Variants in ITGA4 observed in about 807,000 individuals in gnomAD.
ITGA4 encodes the protein integrin subunit alpha 4, also known as integrin alpha-4.
A neutral mutation model predicts 133.6 loss-of-function variants in ITGA4; 63 were observed. That is an observed-to-expected ratio of 0.47 (90% CI 0.38 to 0.58). ITGA4 has a LOEUF of 0.58. Among genes scored for constraint, ITGA4 ranks in the 20% least tolerant of loss-of-function variants. ITGA4 has a pLI of 0.00. For missense variants in ITGA4, 1,076 were observed against 1,252.7 expected (o/e 0.86, Z 2.13); for synonymous variants, 483 against 438.0 (o/e 1.10, Z -1.28).
At chr2:181,483,074 A>G (rs1685842345) in intron 9 of ITGA4, among the ~76,000 whole-genome samples, 1 of 152,196 alleles carries the variant, frequency 6.6e-6, no homozygotes, top group Non-Finnish European at 1.5e-5. Flanking sequence ...AGTATTTTCA[A>G]TTTCTTAATT....
Position 181,534,943 on chromosome 2 carries a change from T to C in ITGA4, c.3003+8T>C. ...TCATATGTTATGTGGAAGGTAAGCA[T>C]TTAACAATTACCAACATTAGTCTAC... is the stretch of plus-strand genomic sequence containing the variant. On this transcript the variant is annotated splice_region_variant and intron_variant, in intron 27 of 27. Transcript: ENST00000397033. The C allele has an allele frequency of 6.4e-7, 1 of 1,557,458 alleles. No individual in the cohort carries two copies. Among genetic ancestry groups the C allele is most frequent in the Non-Finnish European group, 8.6e-7 (1 of 1,158,586 alleles).
Position 181,523,510 on chromosome 2 carries a change from T to A in ITGA4, c.2147T>A (p.Ile716Lys). Residue 716 changes from isoleucine to lysine, a missense_variant, in exon 19 of 28, where the codon ATA becomes AAA. Physicochemically the swap from Ile to Lys is moderately radical, Grantham distance 102 (BLOSUM62 -3). Transcript: ENST00000397033. The surrounding 1 kb of genome is among the most constrained non-coding windows in gnomAD (Gnocchi z 4.2). ...CAACTTGACTGCAGTATTGGCTATA[T>A]ATATGTAGATCATCTCTCAAGGGTA... ...VVQLDCSIGY[I>K]YVDHLSRIDI... 1 of 1,589,020 alleles carries A rather than the reference T, an allele frequency of 6.3e-7. No homozygotes were observed. Among genetic ancestry groups the A allele is most frequent in the African/African-American group, 1.3e-5 (1 of 74,478 alleles).
rs1261299912 is a variant in ITGA4 at position 181,457,569 on chromosome 2, C to T, written c.-86C>T. ...ACACGCTGCGCCTCATCTCTTGGGG[C>T]GTTCTTCCCCGTTGGCCAACCGTCG... On this transcript the variant is annotated 5_prime_UTR_variant, in exon 1 of 28. Coordinates refer to ENST00000397033, the MANE Select transcript of ITGA4 (RefSeq NM_000885.6). 2 of 1,211,260 alleles carry T rather than the reference C, an allele frequency of 1.7e-6. No homozygotes were observed. The highest frequency in any genetic ancestry group is 1.5e-5 in the African/African-American group (1 of 65,886). The allele number at this position is 1,211,260 out of a possible 1,614,324, so 75.0% of individuals were successfully genotyped here. A position where few individuals can be genotyped will look rare whatever the true frequency, so the allele number is the denominator to read the frequency against.
intron 21 of ITGA4, among the ~76,000 whole-genome samples, chr2:181,526,393 C>G (rs1369854030): frequency 6.6e-6 from 1 of 152,172 alleles, no homozygotes; most frequent in African/African-American, 2.4e-5. Flanking sequence ...CTAATATTAG[C>G]TGCCAAATGT....
chr2:181,494,656 A>C, intron 11 of ITGA4, 66 bp from the exon 12 acceptor site: 1 of 843,584 alleles, frequency 1.2e-6, no homozygotes, highest in South Asian at 1.3e-5. Context: ...TATTTAGCTA[A>C]ATCATTGCTT....
At chr2:181,472,619 A>G (rs1222720839) in intron 2 of ITGA4, among the ~76,000 whole-genome samples, 1 of 152,236 alleles carries the variant, frequency 6.6e-6, no homozygotes, top group Non-Finnish European at 1.5e-5. Context: ...TCTATTTTTG[A>G]CAGTAAACAA....
intron 4 of ITGA4, among the ~76,000 whole-genome samples, chr2:181,476,402 A>T (rs956687920): frequency 6.6e-6 from 1 of 152,206 alleles, no homozygotes; most frequent in African/African-American, 2.4e-5. Flanking sequence ...TTTTAAAGGG[A>T]TGAAAACTCC....
At chr2:181,504,585 AC>A (rs1218896018) in intron 15 of ITGA4, among the ~76,000 whole-genome samples, 16 of 152,088 alleles carry the variant, frequency 1.1e-4, no homozygotes, top group African/African-American at 2.9e-4. Flanking sequence ...AAACTATATC[AC>A]TGTACTAATA....
At chr2:181,477,472 T>C (rs1387971571) in intron 4 of ITGA4, among the ~76,000 whole-genome samples, 1 of 152,122 alleles carries the variant, frequency 6.6e-6, no homozygotes, top group Non-Finnish European at 1.5e-5. Context: ...ATATTTAAAA[T>C]GTATAAGGAT....
chr2:181,462,129 T>C (rs1269981683), intron 2 of ITGA4, among the ~76,000 whole-genome samples: 1 of 152,214 alleles, frequency 6.6e-6, no homozygotes, highest in African/African-American at 2.4e-5. Flanking sequence ...AAACATTAAG[T>C]TCTCTGTGTA....
intron 9 of ITGA4, among the ~76,000 whole-genome samples, chr2:181,484,534 C>G (rs1353008620): frequency 6.6e-6 from 1 of 152,170 alleles, no homozygotes; most frequent in Non-Finnish European, 1.5e-5. Flanking sequence ...TCCCTGACTC[C>G]TTTGAATCAA....
At chr2:181,472,308 A>G (rs1032988586) in intron 2 of ITGA4, among the ~76,000 whole-genome samples, 1 of 152,306 alleles carries the variant, frequency 6.6e-6, no homozygotes, top group African/African-American at 2.4e-5. Context: ...TCATTAAGCT[A>G]TTTACATGGT....
chr2:181,511,657 C>A, intron 16 of ITGA4, 42 bp from the exon 17 acceptor site: 1 of 1,014,708 alleles, frequency 9.9e-7, no homozygotes, highest in Non-Finnish European at 1.5e-6. Flanking sequence ...AATATACTTG[C>A]TGATTAAATC....
chr2:181,478,036 T>G (rs1037103842), intron 4 of ITGA4, among the ~76,000 whole-genome samples: 1 of 152,098 alleles, frequency 6.6e-6, no homozygotes, highest in Admixed American at 6.6e-5. Flanking sequence ...TGGAGTATTA[T>G]TCAGCCTTTA....
chr2:181,469,646 G>T (rs955990808), intron 2 of ITGA4, among the ~76,000 whole-genome samples: 3 of 152,186 alleles, frequency 2.0e-5, no homozygotes, highest in Admixed American at 2.0e-4. Context: ...ATTCTCAATA[G>T]CAAAGACTTG....
intron 2 of ITGA4, 145 bp from the exon 3 acceptor site, chr2:181,474,815 T>C (rs1685637357): frequency 1.6e-6 from 1 of 624,534 alleles, no homozygotes; most frequent in Non-Finnish European, 2.8e-6. Context: ...TGGCACAGAG[T>C]AATTCACATT....
rs115901822 is a variant in ITGA4, at chr2:181,489,425, A to T, written c.1153+3433A>T. ...GGTCAGACAGACTAATGTACCTGACATGACCAACAGCAGATCACATTTTTT... is the reference window on the plus strand; with the variant it reads ...GGTCAGACAGACTAATGTACCTGACTTGACCAACAGCAGATCACATTTTTT... On this transcript the variant is annotated intron_variant, in intron 10 of 27. Coordinates refer to ENST00000397033, the MANE Select transcript of ITGA4 (RefSeq NM_000885.6). Among the ~76,000 whole-genome samples, 1,417 of 152,242 alleles carry T rather than the reference A, an allele frequency of 9.3e-3. 26 individuals are homozygous for T. The highest frequency in any genetic ancestry group is 0.032 in the African/African-American group (1,335 of 41,460).
chr2:181,525,201 G>C lies in ITGA4; in HGVS notation c.2250-1G>C. 1 of 1,578,078 alleles carries C rather than the reference G, an allele frequency of 6.3e-7. No individual in the cohort carries two copies. Among genetic ancestry groups the C allele is most frequent in the Non-Finnish European group, 8.7e-7 (1 of 1,148,344 alleles). ...TAACAGGGTGTTTTCTGTTTGTATA[G>C]TGAAAATGAAGAGGAAATGGACAAT... On this transcript the variant is annotated splice_acceptor_variant, in intron 20 of 27. Transcript: ENST00000397033. LOFTEE classifies it high-confidence loss of function.
chr2:181,525,062 C>T, intron 20 of ITGA4, 140 bp from the exon 21 acceptor site: 3 of 426,812 alleles, frequency 7.0e-6, no homozygotes, highest in Non-Finnish European at 1.2e-5. Context: ...TTTTTACTAC[C>T]ATATCTACTT....
Sources: allele counts gnomAD v4.1 joint callset (sites outside exome capture counted in the v4.1 genomes callset), GRCh38; gene constraint gnomAD v4.1.1; non-coding constraint Gnocchi (gnomAD v3.1); transcripts MANE v1.5; gene names NCBI Gene and HGNC (gene_info 2026-07-23, HGNC 2026-07-21).